The following CORO7 variants were observed in gnomAD, a reference collection of about 807,000 sequenced individuals.
CORO7 encodes the protein coronin 7, also known as coronin-7.
CORO7 carries 107 observed loss-of-function variants against 126.6 expected under a neutral mutation model. The observed-to-expected ratio is 0.85, with a 90% CI of 0.72 to 0.99. CORO7 has a LOEUF of 0.99. Ranked by LOEUF, CORO7 falls within the 50% of genes least tolerant of loss-of-function variation. The probability of loss-of-function intolerance (pLI) is 0.00; values close to 1 mark genes in which losing one functional copy is unlikely to be tolerated. For synonymous variants in CORO7, 603 were observed against 536.8 expected, an observed-to-expected ratio of 1.12 and a Z score of -1.70; for missense variants, 1,314 against 1,255.8, an observed-to-expected ratio of 1.05 and a Z score of -0.70.
intron 9 of CORO7, among the ~76,000 whole-genome samples, chr16:4,372,424 C>A (rs2054568265): frequency 6.6e-6 from 1 of 152,246 alleles, no homozygotes; most frequent in Non-Finnish European, 1.5e-5. Context: ...TGCCCGGGGT[C>A]CTCTGGACCC....
At chr16:4,370,703 C>T (rs2054493327) in intron 9 of CORO7, among the ~76,000 whole-genome samples, 2 of 152,222 alleles carry the variant, frequency 1.3e-5, no homozygotes, top group Admixed American at 6.5e-5. Flanking sequence ...CCCTGCTTAG[C>T]CCTTGACGGC....
chr16:4,359,648 A>C (rs2054094942), intron 21 of CORO7, 27 bp from the exon 22 acceptor site: 2 of 1,569,976 alleles, frequency 1.3e-6, no homozygotes, highest in African/African-American at 2.7e-5. Context: ...GGGCTGAAGC[A>C]GGTGTTTCAG....
chr16:4,384,580 A>G lies in CORO7; in HGVS notation c.785+3406T>C, dbSNP rs551293373. Among the ~76,000 whole-genome samples the G allele has an allele frequency of 1.1e-4, 17 of 152,330 alleles. No homozygotes were observed. In the South Asian group the frequency reaches 2.9e-3, roughly 26 times the overall value. On this transcript the variant is annotated intron_variant, in intron 9 of 27. Coordinates refer to ENST00000251166, the MANE Select transcript of CORO7 (RefSeq NM_024535.5). ...CTGGTGGGACAGAGTCAGCCCAGCCAGACCCAGGGAGCAGGCCCCGTGGCG... is the reference window on the plus strand; with the variant it reads ...CTGGTGGGACAGAGTCAGCCCAGCCGGACCCAGGGAGCAGGCCCCGTGGCG...
intron 9 of CORO7, chr16:4,381,838 G>T (rs1372573792): frequency 2.5e-6 from 4 of 1,601,544 alleles, no homozygotes; most frequent in Non-Finnish European, 3.4e-6. Flanking sequence ...CGTCACACTG[G>T]CCAGCCCTGA....
chr16:4,374,147 CGT>C (rs2054631778), intron 9 of CORO7, among the ~76,000 whole-genome samples: 1 of 121,142 alleles, frequency 8.3e-6, no homozygotes, highest in Non-Finnish European at 1.6e-5. Flanking sequence ...CTGGCGTGGG[CGT>C]GTCTGTGTGC....
chr16:4,378,179 A>T (rs1044446612), intron 9 of CORO7, among the ~76,000 whole-genome samples: 6 of 152,174 alleles, frequency 3.9e-5, no homozygotes, highest in Non-Finnish European at 7.3e-5. Context: ...GCAGCCCTGA[A>T]GTGTCCCAGA....
Position 4,408,224 on chromosome 16 carries a change from G to C in CORO7, c.260C>G (p.Pro87Arg). The C allele has an allele frequency of 6.2e-7, 1 of 1,614,226 alleles. No individual in the cohort carries two copies. The highest frequency in any genetic ancestry group is 8.5e-7 in the Non-Finnish European group (1 of 1,180,044). The change falls in exon 4 of 28, where the codon CCC becomes CGC. Residue 87 changes from proline (P) to arginine (R), a missense_variant. By Grantham distance (103) the Pro-to-Arg change is moderately radical. Coordinates refer to ENST00000251166, the MANE Select transcript of CORO7 (RefSeq NM_024535.5). The stretch of plus-strand genomic sequence containing the variant: ...TGTGGCCAGGAGGAAGTCATCAAAG[G>C]GCGAGAAGTCCAAGTCGGTGACTAG... Reference protein sequence around the residue: ...SDLVTDLDFSPFDDFLLATGS... With the variant: ...SDLVTDLDFSRFDDFLLATGS...
chr16:4,362,880 G>T lies in CORO7; in HGVS notation c.1276-142C>A. 1.0e-6 allele frequency: 1 copy of T among 984,228 alleles called. No homozygotes were observed. The highest frequency in any genetic ancestry group is 1.3e-6 in the Non-Finnish European group (1 of 756,996). 61.0% of individuals were successfully genotyped at this position (984,228 alleles called of 1,614,324 possible). On this transcript the variant is annotated intron_variant, in intron 14 of 27. Transcript: ENST00000251166. This position sits in a 1 kb window ranked among gnomAD's most constrained non-coding sequence, Gnocchi z 5.3. Reference sequence around the variant, plus strand: ...ACTGTGGGCATGCGACAGGAGCGGCGGGGGGCACGGGCATAAACGCAGACA... The same window carrying T: ...ACTGTGGGCATGCGACAGGAGCGGCTGGGGGCACGGGCATAAACGCAGACA...
chr16:4,386,023 T>C (rs536901021), intron 9 of CORO7, among the ~76,000 whole-genome samples: 4 of 152,238 alleles, frequency 2.6e-5, no homozygotes, highest in South Asian at 4.1e-4. Flanking sequence ...AGGGAGTTAG[T>C]GGGGGGCTCC....
chr16:4,398,391 C>T (rs767070037), intron 6 of CORO7, among the ~76,000 whole-genome samples: 3 of 151,642 alleles, frequency 2.0e-5, no homozygotes, highest in South Asian at 4.2e-4. Context: ...AGGCCGGGCG[C>T]GGTGGCTCAC....
chr16:4,405,189 C>G (rs1052621208), intron 6 of CORO7, among the ~76,000 whole-genome samples: 13 of 152,238 alleles, frequency 8.5e-5, no homozygotes, highest in African/African-American at 2.4e-4. Context: ...TGCAGAAAGG[C>G]TGGCGGTTCA....
At position 4,359,610 on chromosome 16, in the gene CORO7, C is replaced by T. The variant is rs771340253; in HGVS notation, c.2120G>A (p.Arg707His). 24 of 1,598,972 alleles carry T rather than the reference C, an allele frequency of 1.5e-5. No homozygotes were observed. The highest frequency in any genetic ancestry group is 1.7e-4 in the Middle Eastern group (1 of 6,014). The change falls in exon 22 of 28, where the codon CGC (arginine) becomes CAC (histidine). Residue 707 changes from arginine (R) to histidine (H), a missense_variant. Arg to His is a conservative substitution (Grantham distance 29, BLOSUM62 0). Transcript: ENST00000251166. ...LVSGFDSQSE[R>H]QLLLYEAEAL... The stretch of plus-strand genomic sequence containing the variant: ...CTCAGCTTCATATAGGAGCAGCTGG[C>T]GCTCACTTTGGCTGCAAGGGGGTTT...
At chr16:4,380,747 A>T (rs1323237722) in intron 9 of CORO7, 5 of 1,146,024 alleles carry the variant, frequency 4.4e-6, no homozygotes, top group Non-Finnish European at 6.0e-6. Flanking sequence ...CTGACTCATA[A>T]CCATTGGGTT....
At chr16:4,384,977 G>C (rs533903988) in intron 9 of CORO7, among the ~76,000 whole-genome samples, 2 of 152,082 alleles carry the variant, frequency 1.3e-5, no homozygotes, top group Admixed American at 6.5e-5. Flanking sequence ...GGGCAGTGGC[G>C]GGGGGGTGGC....
chr16:4,378,761 A>C (rs962405248), intron 9 of CORO7, among the ~76,000 whole-genome samples: 2 of 152,186 alleles, frequency 1.3e-5, no homozygotes, highest in Admixed American at 1.3e-4. Flanking sequence ...ACCTATGGCA[A>C]AGGCAGGCTG....
intron 7 of CORO7, among the ~76,000 whole-genome samples, chr16:4,393,386 C>T (rs2055465972): frequency 6.6e-6 from 1 of 152,192 alleles, no homozygotes; most frequent in Non-Finnish European, 1.5e-5. Context: ...AGGCCCAGGT[C>T]CCACATGACG....
At chr16:4,408,044 C>A in intron 4 of CORO7, 137 bp downstream of exon 4, 1 of 1,352,118 alleles carries the variant, frequency 7.4e-7, no homozygotes, top group Non-Finnish European at 1.0e-6. Context: ...GGAATTCAGA[C>A]CAGCCCCGCA....
At chr16:4,375,283 A>T (rs1233592973) in intron 9 of CORO7, among the ~76,000 whole-genome samples, 2 of 151,926 alleles carry the variant, frequency 1.3e-5, no homozygotes, top group Non-Finnish European at 2.9e-5. Context: ...AGGAGGGAAG[A>T]CCCTGTGCCT....
chr16:4,375,173 G>A (rs894080283), intron 9 of CORO7, among the ~76,000 whole-genome samples: 5 of 152,196 alleles, frequency 3.3e-5, no homozygotes, highest in Admixed American at 2.0e-4. Flanking sequence ...TTAGTCACTG[G>A]TCTCCCTGCC....
Sources: gnomAD v4.1 joint callset for allele counts (sites outside exome capture counted in the v4.1 genomes callset) on GRCh38, gnomAD v4.1.1 for gene constraint, Gnocchi (gnomAD v3.1) non-coding constraint, MANE v1.5 for transcripts, NCBI Gene and HGNC (gene_info 2026-07-23, HGNC 2026-07-21) for gene names.